WNT9B: variants seen among roughly 807,000 people sequenced by gnomAD.
WNT9B encodes the protein Wnt family member 9B, also known as protein Wnt-9b.
In WNT9B, 12 loss-of-function variants were observed where a neutral mutation model predicts 30.2. The ratio of observed to expected loss-of-function variants is 0.40; its 90% CI spans 0.26 to 0.64. The LOEUF (loss-of-function observed/expected upper bound fraction) is 0.64, where lower values mean the gene tolerates loss of function less well. WNT9B is among the 30% of genes least tolerant of loss of function. The pLI is 0.42. For synonymous variants in WNT9B, 218 were observed against 216.9 expected (o/e 1.01, Z -0.05); for missense variants, 442 against 485.2 (o/e 0.91, Z 0.84).
chr17:46,865,355 T>G (rs1324926309), intron 1 of WNT9B, among the ~76,000 whole-genome samples: 1 of 152,090 alleles, frequency 6.6e-6, no homozygotes, highest in East Asian at 1.9e-4. Context: ...AGTGGGGCTG[T>G]GCTTGGAGAG....
At chr17:46,882,116 A>G (rs1161479914), downstream of WNT9B, among the ~76,000 whole-genome samples, 1 of 152,172 alleles carries the variant, frequency 6.6e-6, no homozygotes, top group Non-Finnish European at 1.5e-5. Flanking sequence ...TGATTGCACC[A>G]CTGCCTTCCA....
downstream of WNT9B, chr17:46,885,468 A>C: frequency 6.6e-6 from 1 of 151,926 alleles, no homozygotes; most frequent in Non-Finnish European, 1.4e-5. Context: ...ACGCTCAGCT[A>C]ATTTTTGTAT....
At chr17:46,866,667 G>T (rs749685005) in intron 1 of WNT9B, among the ~76,000 whole-genome samples, 3 of 152,090 alleles carry the variant, frequency 2.0e-5, no homozygotes, top group Non-Finnish European at 4.4e-5. Context: ...CCGGTTCCCA[G>T]GCAGCTGCCT....
chr17:46,882,762 A>G (rs943403379), downstream of WNT9B, among the ~76,000 whole-genome samples: 2 of 152,140 alleles, frequency 1.3e-5, no homozygotes, highest in Non-Finnish European at 2.9e-5. Context: ...TGCACGAGGC[A>G]CGTGACAGGG....
intron 1 of WNT9B, among the ~76,000 whole-genome samples, chr17:46,852,408 G>GTA (rs1463409880): frequency 2.7e-5 from 4 of 149,540 alleles, no homozygotes; most frequent in Non-Finnish European, 6.0e-5. Flanking sequence ...GTGTGTGTGT[G>GTA]TGTGTGTGTG....
intron 1 of WNT9B, among the ~76,000 whole-genome samples, chr17:46,858,560 G>A (rs981146610): frequency 1.3e-5 from 2 of 151,952 alleles, no homozygotes; most frequent in East Asian, 3.9e-4. Context: ...TTTTGAGTAA[G>A]CCTGGAGCCT....
At chr17:46,858,132 G>A in intron 1 of WNT9B, among the ~76,000 whole-genome samples, 1 of 152,186 alleles carries the variant, frequency 6.6e-6, no homozygotes, top group East Asian at 1.9e-4. Flanking sequence ...GTTTCATCAT[G>A]TTGGCCTGGC....
Position 46,880,070 on chromosome 17 carries a change from C to T in WNT9B, c.*3352C>T, listed in dbSNP as rs1304156860. Among the ~76,000 whole-genome samples, 1 of 152,234 alleles carries T rather than the reference C, an allele frequency of 6.6e-6. No individual in the cohort carries two copies. ...TTCTGGCTGCTTTTGCAAAAGTCAG[C>T]TGCGCTGGCAGACTGGGCCTGCATG... On this transcript the variant is annotated 3_prime_UTR_variant, in exon 4 of 4. Coordinates refer to ENST00000290015, the MANE Select transcript of WNT9B (RefSeq NM_003396.3).
chr17:46,852,970 T>A (rs2084879136), intron 1 of WNT9B, among the ~76,000 whole-genome samples: 1 of 152,126 alleles, frequency 6.6e-6, no homozygotes, highest in Non-Finnish European at 1.5e-5. Flanking sequence ...GGGCTTAGCT[T>A]GCTAATGATA....
intron 3 of WNT9B, among the ~76,000 whole-genome samples, chr17:46,875,655 A>T (rs1336921493): frequency 6.6e-6 from 1 of 152,192 alleles, no homozygotes; most frequent in Non-Finnish European, 1.5e-5. Flanking sequence ...TGAAGCAGGG[A>T]CATGTTTGGA....
At chr17:46,833,766 C>A (rs945301389) in intron 1 of WNT9B, among the ~76,000 whole-genome samples, 2 of 152,182 alleles carry the variant, frequency 1.3e-5, no homozygotes, top group Non-Finnish European at 2.9e-5. Flanking sequence ...AAGAAGTGAG[C>A]CAGTCTGCCT....
intron 1 of WNT9B, among the ~76,000 whole-genome samples, chr17:46,837,549 A>G (rs1019284204): frequency 6.6e-6 from 1 of 152,168 alleles, no homozygotes; most frequent in Admixed American, 6.5e-5. Flanking sequence ...CAAATAAGGG[A>G]CTTGTGGCCC....
intron 1 of WNT9B, among the ~76,000 whole-genome samples, chr17:46,861,795 A>G (rs1017969198): frequency 6.6e-6 from 1 of 152,232 alleles, no homozygotes; most frequent in Non-Finnish European, 1.5e-5. Context: ...GGGCAAGACC[A>G]AAGGGTTTGT....
At chr17:46,864,673 G>T (rs2085102000) in intron 1 of WNT9B, among the ~76,000 whole-genome samples, 1 of 152,228 alleles carries the variant, frequency 6.6e-6, no homozygotes, top group East Asian at 1.9e-4. Context: ...TGTGGTGATG[G>T]CTGATTTGGC....
At chr17:46,874,012 G>C (rs968760612) in intron 2 of WNT9B, among the ~76,000 whole-genome samples, 1 of 150,886 alleles carries the variant, frequency 6.6e-6, no homozygotes, top group Non-Finnish European at 1.5e-5. Flanking sequence ...AAAAAATGCA[G>C]TGATGCTGTA....
downstream of WNT9B, among the ~76,000 whole-genome samples, chr17:46,882,489 G>A (rs1276605445): frequency 6.6e-6 from 1 of 152,194 alleles, no homozygotes; most frequent in Non-Finnish European, 1.5e-5. Context: ...AGGCTGGAGT[G>A]CAGTGGTGCG....
chr17:46,865,757 C>A (rs2085123026), intron 1 of WNT9B, among the ~76,000 whole-genome samples: 1 of 152,132 alleles, frequency 6.6e-6, no homozygotes, highest in African/African-American at 2.4e-5. Flanking sequence ...AGGCACGTGC[C>A]ACCATGCCCA....
At chr17:46,840,829 G>C (rs764688135) in intron 1 of WNT9B, among the ~76,000 whole-genome samples, 12 of 152,184 alleles carry the variant, frequency 7.9e-5, no homozygotes, top group Non-Finnish European at 1.8e-4. Context: ...CATATCCTTT[G>C]CCCATTTTTT....
intron 1 of WNT9B, among the ~76,000 whole-genome samples, chr17:46,853,166 A>T (rs1220345512): frequency 6.6e-6 from 1 of 152,112 alleles, no homozygotes; most frequent in Non-Finnish European, 1.5e-5. Flanking sequence ...TCACTAGGGC[A>T]CAGACTCTGG....
Sources: gnomAD v4.1 joint callset for allele counts (sites outside exome capture counted in the v4.1 genomes callset) on GRCh38, gnomAD v4.1.1 for gene constraint, MANE v1.5 for transcripts, NCBI Gene and HGNC (gene_info 2026-07-23, HGNC 2026-07-21) for gene names.